Variants in CSMD2 observed in about 807,000 individuals in gnomAD.
The protein encoded by CSMD2 is CUB and sushi domain-containing protein 2.
CSMD2 carries 130 observed loss-of-function variants against 398.5 expected under a neutral mutation model. That is an observed-to-expected ratio of 0.33 (90% CI 0.28 to 0.38). The LOEUF (loss-of-function observed/expected upper bound fraction) is 0.38, where lower values mean the gene tolerates loss of function less well. Ranked by LOEUF, CSMD2 falls within the 10% of genes least tolerant of loss-of-function variation. CSMD2 has a pLI of 1.00. For missense variants in CSMD2, 3,829 were observed against 4,764.9 expected, an observed-to-expected ratio of 0.80 and a Z score of 5.78; for synonymous variants, 1,828 against 1,908.5, an observed-to-expected ratio of 0.96 and a Z score of 1.10.
intron 7 of CSMD2, among the ~76,000 whole-genome samples, chr1:33,822,739 G>A (rs1484209640): frequency 6.6e-6 from 1 of 152,096 alleles, no homozygotes; most frequent in Non-Finnish European, 1.5e-5. Flanking sequence ...ATAACTAGGG[G>A]GTCCTCTAAG....
chr1:34,131,021 C>A (rs1193874968), intron 1 of CSMD2, among the ~76,000 whole-genome samples: 2 of 152,184 alleles, frequency 1.3e-5, no homozygotes, highest in Non-Finnish European at 2.9e-5. Flanking sequence ...TGCTTGCATT[C>A]AATGTGGTAC....
At chr1:33,691,782 C>T (rs530049377) in intron 25 of CSMD2, among the ~76,000 whole-genome samples, 4 of 152,256 alleles carry the variant, frequency 2.6e-5, no homozygotes, top group Non-Finnish European at 4.4e-5. Flanking sequence ...TAAGATGGTC[C>T]ATAACCAGGC....
intron 3 of CSMD2, among the ~76,000 whole-genome samples, chr1:33,985,113 G>A (rs559825186): frequency 2.0e-5 from 3 of 152,294 alleles, no homozygotes; most frequent in South Asian, 2.1e-4. Flanking sequence ...GTGCAGTAAC[G>A]CAATGCCACA....
chr1:34,070,479 C>T (rs902050322), intron 2 of CSMD2, among the ~76,000 whole-genome samples: 1 of 152,166 alleles, frequency 6.6e-6, no homozygotes, highest in African/African-American at 2.4e-5. Context: ...GCTTATGAGC[C>T]ATTCTGAAGC....
At chr1:33,772,350 C>G (rs1251076925) in intron 13 of CSMD2, 9 of 501,738 alleles carry the variant, frequency 1.8e-5, no homozygotes, top group Non-Finnish European at 3.6e-6. Flanking sequence ...AAGAGCATCC[C>G]CAAATGTCAG....
chr1:34,061,122 C>A (rs1283876572), intron 2 of CSMD2, among the ~76,000 whole-genome samples: 1 of 152,186 alleles, frequency 6.6e-6, no homozygotes, highest in East Asian at 1.9e-4. Context: ...GAACATTTTT[C>A]TTCTCTGCAA....
intron 1 of CSMD2, among the ~76,000 whole-genome samples, chr1:34,137,768 G>A (rs1391068445): frequency 1.3e-5 from 2 of 152,212 alleles, no homozygotes. Flanking sequence ...ACAAGACAGG[G>A]ACTTGTCAAG....
At chr1:33,688,009 A>C (rs1372349561) in intron 25 of CSMD2, among the ~76,000 whole-genome samples, 1 of 152,200 alleles carries the variant, frequency 6.6e-6, no homozygotes, top group African/African-American at 2.4e-5. Context: ...CTTCCCATAG[A>C]CTTCTGGTAG....
At chr1:34,127,302 A>G (rs1460381885) in intron 1 of CSMD2, among the ~76,000 whole-genome samples, 2 of 152,220 alleles carry the variant, frequency 1.3e-5, no homozygotes, top group African/African-American at 4.8e-5. Context: ...AGAGGAGTTC[A>G]GGGCCCAAAA....
intron 48 of CSMD2, among the ~76,000 whole-genome samples, chr1:33,578,815 C>T (rs1638483036): frequency 6.6e-6 from 1 of 152,136 alleles, no homozygotes; most frequent in Admixed American, 6.5e-5. Context: ...CTGGTGAGGT[C>T]CCCGGCCTCT....
chr1:33,819,905 G>T (rs1372875928), intron 8 of CSMD2, 68 bp from the exon 9 acceptor site: 1 of 1,591,394 alleles, frequency 6.3e-7, no homozygotes, highest in Admixed American at 1.8e-5. Context: ...AGTCCTTCCT[G>T]GTTCCACAAA....
intron 12 of CSMD2, among the ~76,000 whole-genome samples, chr1:33,786,471 C>T (rs886383928): frequency 1.3e-5 from 2 of 152,338 alleles, no homozygotes; most frequent in Non-Finnish European, 2.9e-5. Context: ...CATAGCCCCA[C>T]AGCTGCTTAT....
At chr1:33,819,879 G>T (rs1409200867) in intron 8 of CSMD2, 42 bp from the exon 9 acceptor site, 1 of 1,608,874 alleles carries the variant, frequency 6.2e-7, no homozygotes. Flanking sequence ...CCCTGGGCCT[G>T]CCAAGCCCCG....
chr1:33,725,688 G>A, intron 16 of CSMD2, 152 bp from the exon 17 acceptor site: 2 of 641,892 alleles, frequency 3.1e-6, no homozygotes, highest in Non-Finnish European at 5.5e-6. Context: ...CACTAGCGAT[G>A]CAGAAGGACC....
intron 5 of CSMD2, among the ~76,000 whole-genome samples, chr1:33,907,050 A>G (rs1643131835): frequency 6.6e-6 from 1 of 151,674 alleles, no homozygotes; most frequent in Admixed American, 6.6e-5. Flanking sequence ...GCCTTCTGGC[A>G]TTGGTAATTG....
intron 57 of CSMD2, among the ~76,000 whole-genome samples, chr1:33,545,094 AATTCC>A (rs1656751981): frequency 6.6e-6 from 1 of 151,986 alleles, no homozygotes; most frequent in Non-Finnish European, 1.5e-5. Flanking sequence ...CACACTTCCC[AATTCC>A]ATTCCACTTG....
intron 42 of CSMD2, among the ~76,000 whole-genome samples, chr1:33,604,428 T>G (rs527333373): frequency 2.6e-5 from 4 of 152,014 alleles, no homozygotes; most frequent in East Asian, 1.9e-4. Flanking sequence ...AGTCTGAGAG[T>G]GAGCCATCTG....
At chr1:33,732,124 G>GCACACA (rs144338591) in intron 15 of CSMD2, among the ~76,000 whole-genome samples, 4 of 150,588 alleles carry the variant, frequency 2.7e-5, no homozygotes, top group Non-Finnish European at 5.9e-5. Flanking sequence ...GCGTGCACAT[G>GCACACA]CACACACACA....
At position 33,523,353 on chromosome 1, in the gene CSMD2, A is replaced by T; in HGVS notation, c.10463T>A (p.Ile3488Asn). 6.2e-7 allele frequency: 1 copy of T among 1,603,438 alleles called. No individual in the cohort carries two copies. The highest frequency in any genetic ancestry group is 8.5e-7 in the Non-Finnish European group (1 of 1,170,480). Residue 3488 changes from isoleucine (I) to asparagine (N), a missense_variant, in exon 67 of 71, where the codon ATC (isoleucine) becomes AAC (asparagine). Physicochemically the swap from Ile to Asn is moderately radical, Grantham distance 149. Transcript: ENST00000373381. ...ATCATCTTTGAACTTATTCATAAAG[A>T]TCTCCACAGGCCCTGTAATCTGGTA... ...QVYQITGPVE[I>N]FMNKFKDDHW...
Sources: allele counts gnomAD v4.1 joint callset (sites outside exome capture counted in the v4.1 genomes callset), GRCh38; gene constraint gnomAD v4.1.1; transcripts MANE v1.5; gene names NCBI Gene and HGNC (gene_info 2026-07-23, HGNC 2026-07-21).